APBA1: variants seen among roughly 807,000 people sequenced by gnomAD.
APBA1 encodes amyloid-beta A4 precursor protein-binding family A member 1.
A neutral mutation model predicts 86.6 loss-of-function variants in APBA1; 55 were observed. The observed-to-expected ratio is 0.64, with a 90% CI of 0.51 to 0.80. The LOEUF is 0.80. APBA1 is among the 30% of genes least tolerant of loss of function. APBA1 has a pLI of 0.00. For synonymous variants in APBA1, 511 were observed against 493.9 expected (o/e 1.03, Z -0.46); for missense variants, 1,090 against 1,183.0 (o/e 0.92, Z 1.15).
chr9:69,539,854 G>C (rs7858003), intron 1 of APBA1, among the ~76,000 whole-genome samples: 90,141 of 151,956 alleles, frequency 0.59, 27,248 homozygotes, highest in Non-Finnish European at 0.65. Context: ...GGCAGTGGCT[G>C]ACACCTGTAA....
chr9:69,502,866 C>A (rs1018773385), intron 2 of APBA1, among the ~76,000 whole-genome samples: 1 of 152,134 alleles, frequency 6.6e-6, no homozygotes, highest in South Asian at 2.1e-4. Flanking sequence ...AAACTAAGCA[C>A]ACTATCAAGC....
chr9:69,428,339 A>C lies in APBA1; in HGVS notation c.*2988T>G, dbSNP rs1834525165. 6.6e-6 allele frequency: 1 copy of C among 152,292 alleles called. No individual in the cohort carries two copies. The highest frequency in any genetic ancestry group is 2.4e-5 in the African/African-American group (1 of 41,440). 9.4% of individuals were successfully genotyped at this position (152,292 alleles called of 1,614,324 possible). On this transcript the variant is annotated 3_prime_UTR_variant, in exon 13 of 13. Transcript: ENST00000265381. ...GGCACCCCTGCCATGCACTCCTAGGAGCCTGCTCTGGCGAGGGAAGGTGTC... is the reference window on the plus strand; with the variant it reads ...GGCACCCCTGCCATGCACTCCTAGGCGCCTGCTCTGGCGAGGGAAGGTGTC...
intron 2 of APBA1, among the ~76,000 whole-genome samples, chr9:69,493,979 G>GT (rs935799597): frequency 4.6e-5 from 7 of 151,288 alleles, no homozygotes; most frequent in East Asian, 1.9e-4. Flanking sequence ...TATATGATAA[G>GT]TTTTTTTTTC....
At chr9:69,607,469 C>T (rs1438591591) in intron 1 of APBA1, among the ~76,000 whole-genome samples, 1 of 152,064 alleles carries the variant, frequency 6.6e-6, no homozygotes, top group African/African-American at 2.4e-5. Flanking sequence ...TGGGCGGGGA[C>T]ACAGACAAAC....
At chr9:69,580,457 A>T (rs1821892085) in intron 1 of APBA1, among the ~76,000 whole-genome samples, 1 of 152,162 alleles carries the variant, frequency 6.6e-6, no homozygotes, top group South Asian at 2.1e-4. Context: ...AGAAAGGAAG[A>T]TGGACTTTGC....
chr9:69,511,137 C>G lies in APBA1; in HGVS notation c.1200+4874G>C, dbSNP rs367969423. On this transcript the variant is annotated intron_variant, in intron 2 of 12. Transcript: ENST00000265381. ...AACTACCATCAGAGTGAACAGGCAA[C>G]CTACAAAATGGGAGCAAATTTTCGC... 6.3e-4 allele frequency among the ~76,000 whole-genome samples: 96 copies of G among 152,144 alleles called. No individual in the cohort carries two copies. In the East Asian group the frequency reaches 0.011, roughly 18 times the overall value.
intron 1 of APBA1, among the ~76,000 whole-genome samples, chr9:69,636,053 G>C (rs1360335121): frequency 6.6e-6 from 1 of 152,166 alleles, no homozygotes; most frequent in African/African-American, 2.4e-5. Context: ...AACTCTATAG[G>C]AAAAATATCT....
rs774675232 is a variant in APBA1 at position 69,457,064 on chromosome 9, C to T, written c.1591G>A (p.Ala531Thr). The change falls in exon 7 of 13, where the codon GCC (alanine) becomes ACC (threonine). Residue 531 changes from alanine to threonine, a missense_variant. Transcript: ENST00000265381. ...ISTQRIKVLN[A>T]DTQETMMDHP... The stretch of plus-strand genomic sequence containing the variant: ...AAGCCAGCTGATACCTGTGTGTCGG[C>T]GTTCAGCACTTTGATTCTCTGGGTA... 1.4e-5 allele frequency: 23 copies of T among 1,613,890 alleles called. 1 individual carries two copies. The highest frequency in any genetic ancestry group is 2.7e-5 in the African/African-American group (2 of 74,908).
intron 8 of APBA1, among the ~76,000 whole-genome samples, chr9:69,452,572 T>A (rs1478845670): frequency 6.6e-6 from 1 of 152,202 alleles, no homozygotes; most frequent in East Asian, 1.9e-4. Flanking sequence ...TATCCTGCCA[T>A]GCAAAAAACA....
intron 8 of APBA1, among the ~76,000 whole-genome samples, chr9:69,453,178 G>A (rs1049373292): frequency 1.1e-4 from 17 of 152,120 alleles, no homozygotes; most frequent in Non-Finnish European, 2.4e-4. Context: ...GCCACAATTT[G>A]ATTATTCTGT....
At chr9:69,652,672 C>A (rs944614244) in intron 1 of APBA1, among the ~76,000 whole-genome samples, 17 of 152,114 alleles carry the variant, frequency 1.1e-4, no homozygotes, top group Non-Finnish European at 2.4e-4. Flanking sequence ...AATTAAAAGA[C>A]ATAGAGTGGC....
intron 1 of APBA1, among the ~76,000 whole-genome samples, chr9:69,564,012 T>C (rs1037659760): frequency 7.9e-5 from 12 of 152,248 alleles, no homozygotes; most frequent in Non-Finnish European, 1.2e-4. Flanking sequence ...CTATTCCCAG[T>C]GACCACCATA....
intron 8 of APBA1, among the ~76,000 whole-genome samples, chr9:69,454,030 G>C (rs1317589264): frequency 6.6e-6 from 1 of 152,214 alleles, no homozygotes; most frequent in Non-Finnish European, 1.5e-5. Context: ...AGGCTTCTCT[G>C]TGAAATTCTG....
At chr9:69,609,792 TTTG>T (rs562650274) in intron 1 of APBA1, among the ~76,000 whole-genome samples, 2 of 151,736 alleles carry the variant, frequency 1.3e-5, no homozygotes, top group African/African-American at 4.8e-5. Context: ...CTTTGGTGAG[TTTG>T]TTGTTGTTGT....
intron 1 of APBA1, among the ~76,000 whole-genome samples, chr9:69,646,432 G>C (rs1015500324): frequency 6.6e-6 from 1 of 152,148 alleles, no homozygotes; most frequent in Admixed American, 6.5e-5. Flanking sequence ...CATTTTAGGA[G>C]CAACTTCCTT....
chr9:69,492,712 C>T (rs896545855), intron 2 of APBA1, among the ~76,000 whole-genome samples: 4 of 152,044 alleles, frequency 2.6e-5, no homozygotes, highest in African/African-American at 4.8e-5. Context: ...ATAAGAGAAT[C>T]AGGGCATACG....
chr9:69,470,021 G>C (rs1354520950), intron 4 of APBA1, among the ~76,000 whole-genome samples: 1 of 152,144 alleles, frequency 6.6e-6, no homozygotes, highest in African/African-American at 2.4e-5. Flanking sequence ...ACTACAGTAA[G>C]TGTGGGTATG....
In APBA1 at chr9:69,516,993, TC is replaced by T; in HGVS notation, c.217del (p.Glu73AsnfsTer24). On this transcript the variant is annotated frameshift_variant, in exon 2 of 13. Coordinates refer to ENST00000265381, the MANE Select transcript of APBA1 (RefSeq NM_001163.4). LOFTEE classifies it high-confidence loss of function. The surrounding 1 kb of genome is among the most constrained non-coding windows in gnomAD (Gnocchi z 7.3). ...QLGQEEEERG[E>X]CLARSASTES... ...CGTGCTGGCTGAGCGCGCCAGGCATTCCCCGCGCTCCTCTTCCTCCTGGCCG... is the reference window on the plus strand; with the variant it reads ...CGTGCTGGCTGAGCGCGCCAGGCATTCCCGCGCTCCTCTTCCTCCTGGCCG... 1.3e-6 allele frequency: 2 copies of T among 1,582,150 alleles called. No homozygotes were observed. The highest frequency in any genetic ancestry group is 1.7e-6 in the Non-Finnish European group (2 of 1,171,018).
chr9:69,632,248 T>C (rs1019965888), intron 1 of APBA1, among the ~76,000 whole-genome samples: 3 of 152,086 alleles, frequency 2.0e-5, no homozygotes, highest in African/African-American at 7.2e-5. Flanking sequence ...AATTCTTCAG[T>C]TGGAAAGAGA....
Sources: allele counts gnomAD v4.1 joint callset (sites outside exome capture counted in the v4.1 genomes callset), GRCh38; gene constraint gnomAD v4.1.1; non-coding constraint Gnocchi (gnomAD v3.1); transcripts MANE v1.5; gene names NCBI Gene and HGNC (gene_info 2026-07-23, HGNC 2026-07-21).